The following SNX29 variants were observed in gnomAD, a reference collection of about 807,000 sequenced individuals.
SNX29 encodes the protein sorting nexin-29.
Under a neutral mutation model 102.1 loss-of-function variants are expected in SNX29, and 78 were observed. The observed-to-expected ratio is 0.76, with a 90% CI of 0.64 to 0.92. The LOEUF (loss-of-function observed/expected upper bound fraction) is 0.92. SNX29 is among the 40% of genes least tolerant of loss of function. The pLI is 0.00. For missense variants in SNX29, 1,280 were observed against 1,061.7 expected (o/e 1.21, Z -2.86); for synonymous variants, 580 against 414.5 (o/e 1.40, Z -4.85).
intron 13 of SNX29, among the ~76,000 whole-genome samples, chr16:12,191,742 C>G (rs1477717249): frequency 7.1e-6 from 1 of 141,756 alleles, no homozygotes; most frequent in Non-Finnish European, 1.6e-5. Flanking sequence ...TTTTATTTTG[C>G]AGTGAACTTG....
intron 16 of SNX29, among the ~76,000 whole-genome samples, chr16:12,356,810 C>G (rs1465403354): frequency 6.6e-6 from 1 of 152,242 alleles, no homozygotes; most frequent in African/African-American, 2.4e-5. Flanking sequence ...TGTGGGATGT[C>G]TAGCAGCGTC....
At chr16:12,376,113 GT>G (rs1250267854) in intron 16 of SNX29, 2 of 150,990 alleles carry the variant, frequency 1.3e-5, no homozygotes, top group Admixed American at 1.3e-4. Context: ...ACAGAGGCAA[GT>G]CACTAGGGCC....
In SNX29 at chr16:12,447,468, C is replaced by T. The variant is rs558590556; in HGVS notation, c.2038-30251C>T. On this transcript the variant is annotated intron_variant, in intron 18 of 20. Transcript: ENST00000566228. ...CAGTACTTTCTGGATCAATTTTCAC[C>T]TTTCTAAACCTCATTTTTAATCTGT... 6.3e-4 allele frequency among the ~76,000 whole-genome samples: 96 copies of T among 152,304 alleles called. 1 individual carries two copies. The highest frequency in any genetic ancestry group is 1.5e-4 in the Non-Finnish European group (10 of 68,030).
intron 18 of SNX29, among the ~76,000 whole-genome samples, chr16:12,422,528 G>A (rs2084912964): frequency 6.6e-6 from 1 of 152,226 alleles, no homozygotes; most frequent in Non-Finnish European, 1.5e-5. Context: ...CTTCTGGCAA[G>A]TGAGATGCTT....
chr16:12,084,297 C>T (rs1365990282), intron 11 of SNX29, among the ~76,000 whole-genome samples: 2 of 152,162 alleles, frequency 1.3e-5, no homozygotes, highest in African/African-American at 4.8e-5. Context: ...AGATGCCCGC[C>T]ACCACACCCA....
chr16:12,561,880 A>C (rs1039692892), intron 20 of SNX29, among the ~76,000 whole-genome samples: 1 of 152,144 alleles, frequency 6.6e-6, no homozygotes, highest in African/African-American at 2.4e-5. Flanking sequence ...GCTGTCTCCT[A>C]GGTGACCGTG....
intron 20 of SNX29, among the ~76,000 whole-genome samples, chr16:12,553,147 G>T (rs971664314): frequency 6.6e-6 from 1 of 152,200 alleles, no homozygotes; most frequent in Non-Finnish European, 1.5e-5. Context: ...TCACAGCTCT[G>T]GGGTCCTTCC....
chr16:12,492,163 C>T (rs1283378004), intron 19 of SNX29, among the ~76,000 whole-genome samples: 2 of 152,202 alleles, frequency 1.3e-5, no homozygotes, highest in African/African-American at 2.4e-5. Flanking sequence ...AAAAGTGTTC[C>T]TGTTTCTCCA....
intron 19 of SNX29, among the ~76,000 whole-genome samples, chr16:12,491,275 G>A (rs945667989): frequency 6.6e-6 from 1 of 152,160 alleles, no homozygotes; most frequent in African/African-American, 2.4e-5. Context: ...GTTTCTCTAG[G>A]TTGTGTGCCC....
At chr16:11,992,453 TC>T (rs1441931170) in intron 1 of SNX29, among the ~76,000 whole-genome samples, 8 of 152,228 alleles carry the variant, frequency 5.3e-5, no homozygotes, top group African/African-American at 1.9e-4. Context: ...AAACTCCATA[TC>T]CATTAAGCAG....
chr16:12,113,636 A>T lies in SNX29; in HGVS notation c.1403-12997A>T, dbSNP rs981798316. Among the ~76,000 whole-genome samples the T allele has an allele frequency of 3.9e-5, 6 of 152,230 alleles. No individual in the cohort carries two copies. In the East Asian group the frequency reaches 1.2e-3, roughly 29 times the overall value. The stretch of plus-strand genomic sequence containing the variant: ...TCCTCATTATTTATGAGTATTTCGC[A>T]TGCAATTAATCTTCCTTGCCACCAG... On this transcript the variant is annotated intron_variant, in intron 11 of 20. Transcript: ENST00000566228.
chr16:12,180,727 C>T (rs912169985), intron 13 of SNX29, among the ~76,000 whole-genome samples: 1 of 152,152 alleles, frequency 6.6e-6, no homozygotes, highest in African/African-American at 2.4e-5. Flanking sequence ...CCTCATGATC[C>T]ACCGGCCTCG....
At chr16:12,456,624 C>G (rs904865501) in intron 18 of SNX29, among the ~76,000 whole-genome samples, 2 of 151,788 alleles carry the variant, frequency 1.3e-5, no homozygotes, top group African/African-American at 4.8e-5. Context: ...GGATGAGCAT[C>G]TGATGGGGTG....
chr16:12,553,078 T>C (rs1049223582), intron 20 of SNX29, among the ~76,000 whole-genome samples: 3 of 152,212 alleles, frequency 2.0e-5, no homozygotes, highest in Admixed American at 6.5e-5. Flanking sequence ...AACACTCACC[T>C]GCATATAGTT....
chr16:12,483,499 T>C, intron 19 of SNX29, among the ~76,000 whole-genome samples: 1 of 151,838 alleles, frequency 6.6e-6, no homozygotes, highest in East Asian at 1.9e-4. Context: ...GTATTTTTTG[T>C]AGAGACGGGG....
At chr16:12,221,924 A>C (rs1380329464) in intron 14 of SNX29, among the ~76,000 whole-genome samples, 2 of 152,168 alleles carry the variant, frequency 1.3e-5, no homozygotes, top group African/African-American at 4.8e-5. Context: ...TGACCGTACC[A>C]TCTCATTTCA....
intron 8 of SNX29, 36 bp from the exon 9 acceptor site, chr16:12,061,492 T>G: frequency 6.5e-7 from 1 of 1,539,518 alleles, no homozygotes; most frequent in South Asian, 1.2e-5. Context: ...CTGTGGGCTC[T>G]TTGGCCTGTC....
chr16:12,458,660 G>T (rs557955979), intron 18 of SNX29, among the ~76,000 whole-genome samples: 1 of 152,184 alleles, frequency 6.6e-6, no homozygotes, highest in African/African-American at 2.4e-5. Flanking sequence ...GCTTTGAATT[G>T]TGTAGATGAG....
rs141753027 is a variant in SNX29 at position 12,020,498 on chromosome 16, C to T, written c.123-6822C>T. ...ATTGCAGGTGTGAGCAACTGCGCCC[C>T]ACCTGTTCTTAGATTTTTATCTGAT... On this transcript the variant is annotated intron_variant, in intron 3 of 20. Coordinates refer to ENST00000566228, the MANE Select transcript of SNX29 (RefSeq NM_032167.5). 5.5e-3 allele frequency among the ~76,000 whole-genome samples: 831 copies of T among 151,508 alleles called. 11 individuals carry two copies. The highest frequency in any genetic ancestry group is 0.019 in the African/African-American group (777 of 41,346).
Sources: gnomAD v4.1 joint callset for allele counts (sites outside exome capture counted in the v4.1 genomes callset) on GRCh38, gnomAD v4.1.1 for gene constraint, MANE v1.5 for transcripts, NCBI Gene and HGNC (gene_info 2026-07-23, HGNC 2026-07-21) for gene names.